Variants in NT5E observed in about 807,000 individuals in gnomAD.
NT5E encodes 5'-nucleotidase.
NT5E carries 53 observed loss-of-function variants against 55.1 expected under a neutral mutation model. The ratio of observed to expected loss-of-function variants is 0.96; its 90% CI spans 0.77 to 1.21. The LOEUF is 1.21. Ranked by LOEUF, NT5E falls within the 50% of genes most tolerant of loss-of-function variation. NT5E has a pLI of 0.00. For synonymous variants in NT5E, 270 were observed against 278.4 expected (o/e 0.97, Z 0.30); for missense variants, 683 against 724.3 (o/e 0.94, Z 0.65).
Position 85,494,068 on chromosome 6 carries a change from C to A in NT5E, c.*64C>A. ...TTTTTCAAGTGAGATTCAAATCTGC[C>A]TTTTAGGACCTGGCTTTGTGACAGC... is the stretch of plus-strand genomic sequence containing the variant. On this transcript the variant is annotated 3_prime_UTR_variant, in exon 9 of 9. Coordinates refer to ENST00000257770, the MANE Select transcript of NT5E (RefSeq NM_002526.4). 2 of 1,513,260 alleles carry A rather than the reference C, an allele frequency of 1.3e-6. No individual in the cohort carries two copies. The highest frequency in any genetic ancestry group is 1.8e-6 in the Non-Finnish European group (2 of 1,093,456). 93.7% of individuals were successfully genotyped at this position (1,513,260 alleles called of 1,614,324 possible). A position where few individuals can be genotyped will look rare whatever the true frequency, so the allele number is the denominator to read the frequency against.
intron 1 of NT5E, among the ~76,000 whole-genome samples, chr6:85,456,155 C>T (rs1378559283): frequency 6.6e-6 from 1 of 152,166 alleles, no homozygotes; most frequent in African/African-American, 2.4e-5. Flanking sequence ...CCTAAACAAC[C>T]AGATTCAGAG....
At chr6:85,464,670 GT>G (rs755389300) in intron 1 of NT5E, among the ~76,000 whole-genome samples, 73 of 152,178 alleles carry the variant, frequency 4.8e-4, no homozygotes, top group Non-Finnish European at 8.5e-4. Context: ...TTTGAGAAAA[GT>G]TTTTCTGGCA....
At position 85,495,260 on chromosome 6, in the gene NT5E, G is replaced by A. The variant is rs1443477969; in HGVS notation, c.*1256G>A. On this transcript the variant is annotated 3_prime_UTR_variant, in exon 9 of 9. Coordinates refer to ENST00000257770, the MANE Select transcript of NT5E (RefSeq NM_002526.4). The stretch of plus-strand genomic sequence containing the variant: ...CTGGAAAGTGGGACCCTCTGAGTGG[G>A]TGGTCAGAAAATACCCATGCTGATG... 6.6e-6 allele frequency: 1 copy of A among 152,230 alleles called. No individual in the cohort carries two copies. Among genetic ancestry groups the A allele is most frequent in the Non-Finnish European group, 1.5e-5 (1 of 68,054 alleles). The allele number at this position is 152,230 out of a possible 1,614,324, so 9.4% of individuals were successfully genotyped here. A position where few individuals can be genotyped will look rare whatever the true frequency, so the allele number is the denominator to read the frequency against.
At chr6:85,470,765 C>G (rs1769287607) in intron 2 of NT5E, among the ~76,000 whole-genome samples, 1 of 152,186 alleles carries the variant, frequency 6.6e-6, no homozygotes, top group Admixed American at 6.5e-5. Flanking sequence ...GAGAACATGA[C>G]AAAGTTATCA....
At chr6:85,469,646 T>C (rs1769264675) in intron 2 of NT5E, among the ~76,000 whole-genome samples, 1 of 152,170 alleles carries the variant, frequency 6.6e-6, no homozygotes. Context: ...CTGGGCTTCT[T>C]GGGGCAACCA....
intron 2 of NT5E, 53 bp downstream of exon 2, chr6:85,467,335 C>G (rs76596867): frequency 1.4e-6 from 2 of 1,425,486 alleles, no homozygotes; most frequent in East Asian, 2.3e-5. Context: ...CCCTAAATCA[C>G]AGCTTGGCAT....
In NT5E at chr6:85,490,653, G is replaced by A. The variant is rs140182435; in HGVS notation, c.1356G>A (p.Val452=). 16 of 1,613,864 alleles carry A rather than the reference G, an allele frequency of 9.9e-6. No homozygotes were observed. The highest frequency in any genetic ancestry group is 2.7e-5 in the African/African-American group (2 of 74,926). Residue 452 remains valine (V), a synonymous_variant, in exon 7 of 9, where the codon GTG becomes GTA. Coordinates refer to ENST00000257770, the MANE Select transcript of NT5E (RefSeq NM_002526.4). ...YGQSTGEFLQ[V]GGIHVVYDLS... The stretch of plus-strand genomic sequence containing the variant: ...AGTCCACTGGAGAGTTCCTGCAGGT[G>A]GGCGGTAAGTCACCCATCCTGTAGG...
Position 85,477,240 on chromosome 6 carries a change from G to A in NT5E, c.751+5815G>A, listed in dbSNP as rs149127650. Reference sequence around the variant, plus strand: ...TGTCCATTACACCCTTGACTGTGTCGCGGCTGACACATGGAAGGCAGGTGT... The same window carrying A: ...TGTCCATTACACCCTTGACTGTGTCACGGCTGACACATGGAAGGCAGGTGT... On this transcript the variant is annotated intron_variant, in intron 3 of 8. Coordinates refer to ENST00000257770, the MANE Select transcript of NT5E (RefSeq NM_002526.4). 7.1e-3 allele frequency among the ~76,000 whole-genome samples: 1,073 copies of A among 152,156 alleles called. 11 individuals are homozygous for A. Among genetic ancestry groups the A allele is most frequent in the African/African-American group, 0.024 (988 of 41,488 alleles).
intron 3 of NT5E, 82 bp downstream of exon 3, chr6:85,471,507 C>A (rs1490299607): frequency 9.7e-6 from 10 of 1,033,622 alleles, no homozygotes; most frequent in African/African-American, 1.6e-5. Context: ...TGTTATTACT[C>A]TTTTTACTGC....
rs755397195 is a variant in NT5E, at chr6:85,485,436, A to C, written c.949+4A>C. 6.2e-7 allele frequency: 1 copy of C among 1,613,964 alleles called. No homozygotes were observed. The highest frequency in any genetic ancestry group is 1.1e-5 in the South Asian group (1 of 91,084). ...CTAAACAGCAGCATTCCTGAAGGTA[A>C]GTGAAGTTCAGGGGAATGTTCCACC... On this transcript the variant is annotated splice_donor_region_variant and intron_variant, in intron 4 of 8. Coordinates refer to ENST00000257770, the MANE Select transcript of NT5E (RefSeq NM_002526.4).
At position 85,489,548 on chromosome 6, in the gene NT5E, T is replaced by C. The variant is rs1769740226; in HGVS notation, c.1159T>C (p.Cys387Arg). 1 of 1,613,888 alleles carries C rather than the reference T, an allele frequency of 6.2e-7. No individual in the cohort carries two copies. The highest frequency in any genetic ancestry group is 1.3e-5 in the African/African-American group (1 of 74,888). ...DEMFWNHVSM[C>R]ILNGGGIRSP... is the part of the protein sequence containing the mutation. ...AATGTTCTGGAACCACGTATCCATGTGCATTTTAAATGGAGGTGGTATCCG... is the reference window on the plus strand; with the variant it reads ...AATGTTCTGGAACCACGTATCCATGCGCATTTTAAATGGAGGTGGTATCCG... Residue 387 changes from cysteine (C) to arginine (R), a missense_variant, in exon 6 of 9, where the codon TGC becomes CGC. Transcript: ENST00000257770.
At chr6:85,482,482 C>T (rs1052662809) in intron 3 of NT5E, among the ~76,000 whole-genome samples, 2 of 152,148 alleles carry the variant, frequency 1.3e-5, no homozygotes, top group Non-Finnish European at 2.9e-5. Context: ...CCATGTGACA[C>T]GAGAAGGGCA....
At position 85,487,371 on chromosome 6, in the gene NT5E, T is replaced by C. The variant is rs753864292; in HGVS notation, c.986T>C (p.Ile329Thr). Residue 329 changes from isoleucine (I) to threonine (T), a missense_variant, in exon 5 of 9, where the codon ATA becomes ACA. By Grantham distance (89) the Ile-to-Thr change is moderately conservative. Coordinates refer to ENST00000257770, the MANE Select transcript of NT5E (RefSeq NM_002526.4). ...AAAGCAGACATTAACAAATGGAGGATAAAATTGGATAATTATTCTACCCAG... is the reference window on the plus strand; with the variant it reads ...AAAGCAGACATTAACAAATGGAGGACAAAATTGGATAATTATTCTACCCAG... ...SIKADINKWR[I>T]KLDNYSTQEL... 8 of 1,613,656 alleles carry C rather than the reference T, an allele frequency of 5.0e-6. No homozygotes were observed. The highest frequency in any genetic ancestry group is 6.8e-6 in the Non-Finnish European group (8 of 1,179,676).
chr6:85,450,392 G>A lies in NT5E; in HGVS notation c.253G>A (p.Asp85Asn). 1 of 1,601,506 alleles carries A rather than the reference G, an allele frequency of 6.2e-7. No individual in the cohort carries two copies. The highest frequency in any genetic ancestry group is 8.5e-7 in the Non-Finnish European group (1 of 1,175,186). Residue 85 changes from aspartate (D) to asparagine (N), a missense_variant, in exon 1 of 9, where the codon GAC becomes AAC. Asp to Asn is a conservative substitution (Grantham distance 23). Coordinates refer to ENST00000257770, the MANE Select transcript of NT5E (RefSeq NM_002526.4). This position sits in a 1 kb window ranked among gnomAD's most constrained non-coding sequence, Gnocchi z 4.0. ...CAACGTGCTGCTGCTGGACGCCGGC[G>A]ACCAGTACCAGGGCACTATCTGGTT... ...EPNVLLLDAG[D>N]QYQGTIWFTV...
chr6:85,469,344 C>T (rs1769258278), intron 2 of NT5E, among the ~76,000 whole-genome samples: 1 of 151,990 alleles, frequency 6.6e-6, no homozygotes, highest in Non-Finnish European at 1.5e-5. Context: ...ATACTCTCGA[C>T]ATTTAGTCAT....
chr6:85,489,129 A>G (rs999794430), intron 5 of NT5E, among the ~76,000 whole-genome samples: 1 of 152,086 alleles, frequency 6.6e-6, no homozygotes, highest in East Asian at 1.9e-4. Flanking sequence ...AGCCCTCAGA[A>G]TCAGGCAGAG....
chr6:85,454,664 A>C (rs1768953426), intron 1 of NT5E, among the ~76,000 whole-genome samples: 1 of 152,152 alleles, frequency 6.6e-6, no homozygotes, highest in South Asian at 2.1e-4. Flanking sequence ...ATTTCTTGTA[A>C]TTGAATTAAT....
In NT5E at chr6:85,493,976, G is replaced by A; in HGVS notation, c.1697G>A (p.Trp566Ter). Residue 566 changes from tryptophan (W) to a stop codon, truncating the protein, a stop_gained, in exon 9 of 9, where the codon TGG (tryptophan) becomes TAG (stop). Transcript: ENST00000257770. LOFTEE classifies it high-confidence loss of function. Reference protein sequence around the residue: ...GSFSLIFLSLWAVIFVLYQ With the variant: ...GSFSLIFLSL ...TTTTCTTTAATATTTCTTTCACTTT[G>A]GGCAGTGATCTTTGTTTTATACCAA... 6.2e-7 allele frequency: 1 copy of A among 1,613,942 alleles called. No homozygotes were observed. Among genetic ancestry groups the A allele is most frequent in the South Asian group, 1.1e-5 (1 of 91,068 alleles).
chr6:85,459,458 A>G (rs1287992499), intron 1 of NT5E, among the ~76,000 whole-genome samples: 5 of 152,238 alleles, frequency 3.3e-5, no homozygotes, highest in African/African-American at 1.2e-4. Context: ...CACTGCTTTT[A>G]AAGAAACTCT....
Sources: gnomAD v4.1 joint callset for allele counts (sites outside exome capture counted in the v4.1 genomes callset) on GRCh38, gnomAD v4.1.1 for gene constraint, Gnocchi (gnomAD v3.1) non-coding constraint, MANE v1.5 for transcripts, NCBI Gene and HGNC (gene_info 2026-07-23, HGNC 2026-07-21) for gene names.